Variants in TM6SF1 observed in about 807,000 individuals in gnomAD.
The protein encoded by TM6SF1 is transmembrane 6 superfamily member 1.
Under a neutral mutation model 47.1 loss-of-function variants are expected in TM6SF1, and 43 were observed. The ratio of observed to expected loss-of-function variants is 0.91; its 90% CI spans 0.72 to 1.18. The LOEUF (loss-of-function observed/expected upper bound fraction) is 1.18. Among genes scored for constraint, TM6SF1 ranks in the 50% most tolerant of loss-of-function variants. The probability of loss-of-function intolerance (pLI) is 0.00; values close to 1 mark genes in which losing one functional copy is unlikely to be tolerated. For synonymous variants in TM6SF1, 177 were observed against 166.3 expected (o/e 1.06, Z -0.49); for missense variants, 390 against 449.0 (o/e 0.87, Z 1.19).
rs532990392 is a variant in TM6SF1 at position 83,120,075 on chromosome 15, C to T, written c.398+394C>T. On this transcript the variant is annotated intron_variant, in intron 4 of 9. Transcript: ENST00000322019. ...TCAGGCACAGCTCTGCGGCTTGGCT[C>T]GCACTAAGGCTTGGCTACATGGCTT... The T allele has an allele frequency of 1.8e-4, 36 of 198,208 alleles. No homozygotes were observed. The East Asian group carries it at 4.3e-3, about 24-fold the overall frequency. 12.3% of individuals were successfully genotyped at this position (198,208 alleles called of 1,614,324 possible).
intron 9 of TM6SF1, chr15:83,132,043 A>G (rs1373661738): frequency 6.6e-6 from 1 of 152,248 alleles, no homozygotes; most frequent in East Asian, 1.9e-4. Context: ...GTTGCTGATG[A>G]GCACAATGAC....
At chr15:83,115,529 T>C in intron 2 of TM6SF1, 2 of 461,780 alleles carry the variant, frequency 4.3e-6, no homozygotes, top group South Asian at 3.8e-5. Context: ...GGCAGCCACT[T>C]GTAGGGGAGT....
At chr15:83,119,014 C>T (rs2034965953) in intron 3 of TM6SF1, among the ~76,000 whole-genome samples, 2 of 152,158 alleles carry the variant, frequency 1.3e-5, no homozygotes, top group South Asian at 2.1e-4. Context: ...GTAAAATGGA[C>T]TCAATCCTGT....
chr15:83,111,321 CCATT>C (rs1305617871), intron 1 of TM6SF1, among the ~76,000 whole-genome samples: 7 of 152,092 alleles, frequency 4.6e-5, no homozygotes, highest in Non-Finnish European at 1.0e-4. Context: ...ATCCATCCAT[CCATT>C]TATCCATCAT....
At chr15:83,117,200 G>A (rs998454287) in intron 3 of TM6SF1, among the ~76,000 whole-genome samples, 3 of 152,180 alleles carry the variant, frequency 2.0e-5, no homozygotes, top group Admixed American at 6.5e-5. Flanking sequence ...CGGAGAGAAG[G>A]GACAGCTTGG....
In TM6SF1 at chr15:83,124,704, G is replaced by C. The variant is rs2035573305; in HGVS notation, c.636G>C (p.Leu212=). 6.2e-7 allele frequency: 1 copy of C among 1,614,110 alleles called. No individual in the cohort carries two copies. Among genetic ancestry groups the C allele is most frequent in the Admixed American group, 1.7e-5 (1 of 60,010 alleles). ...VIQEAQAKDL[L]RRPFDLMLVV... is the part of the protein sequence containing the mutation. ...AAGAAGCCCAAGCGAAAGACCTGCT[G>C]AGAAGACCATTTGATTTAATGTTGG... Residue 212 remains leucine (L), a synonymous_variant, in exon 7 of 10, where the codon CTG becomes CTC. Transcript: ENST00000322019.
chr15:83,118,847 C>T (rs918151482), intron 3 of TM6SF1, among the ~76,000 whole-genome samples: 3 of 152,120 alleles, frequency 2.0e-5, no homozygotes, highest in African/African-American at 7.2e-5. Flanking sequence ...GAAATGTAAC[C>T]ACCTAGAAAA....
rs908900569 is a variant in TM6SF1 at position 83,130,094 on chromosome 15, T to A, written c.921+2617T>A. The A allele has an allele frequency of 7.9e-5, 12 of 152,330 alleles. No homozygotes were observed. The South Asian group carries it at 8.3e-4, about 11-fold the overall frequency. The allele number at this position is 152,330 out of a possible 1,614,324, so 9.4% of individuals were successfully genotyped here. A position where few individuals can be genotyped will look rare whatever the true frequency, so the allele number is the denominator to read the frequency against. On this transcript the variant is annotated intron_variant, in intron 9 of 9. Transcript: ENST00000322019. ...CTGGTACCAGTCCCTGATGCAGGAA[T>A]GCTAAGTGTCATCAGCCAGCAGGCT...
chr15:83,134,360 A>G (rs1327118820), intron 9 of TM6SF1: 2 of 152,204 alleles, frequency 1.3e-5, no homozygotes, highest in Non-Finnish European at 2.9e-5. Context: ...AGCTGAGATT[A>G]CAGGCGTCTG....
intron 6 of TM6SF1, among the ~76,000 whole-genome samples, chr15:83,124,409 GTCATT>G (rs1453916698): frequency 1.3e-5 from 2 of 152,094 alleles, no homozygotes; most frequent in African/African-American, 4.8e-5. Context: ...TCATTAAAAT[GTCATT>G]TCAAGAAAAA....
intron 6 of TM6SF1, 138 bp downstream of exon 6, chr15:83,123,016 T>A: frequency 1.1e-6 from 1 of 919,658 alleles, no homozygotes; most frequent in Non-Finnish European, 1.6e-6. Flanking sequence ...TTTGATTATG[T>A]AGCATTAGCT....
rs369060713 is a variant in TM6SF1 at position 83,115,415 on chromosome 15, G to C, written c.197-430G>C. 3.3e-4 allele frequency: 109 copies of C among 335,308 alleles called. 1 individual carries two copies. The East Asian group carries it at 5.3e-3, about 16-fold the overall frequency. The allele number at this position is 335,308 out of a possible 1,614,324, so 20.8% of individuals were successfully genotyped here. A position where few individuals can be genotyped will look rare whatever the true frequency, so the allele number is the denominator to read the frequency against. ...TTACAGACTTGAGCCACCATGCCCAGCCTGAATCATTGTCTTAAACTTAGT... is the reference window on the plus strand; with the variant it reads ...TTACAGACTTGAGCCACCATGCCCACCCTGAATCATTGTCTTAAACTTAGT... On this transcript the variant is annotated intron_variant, in intron 2 of 9. Coordinates refer to ENST00000322019, the MANE Select transcript of TM6SF1 (RefSeq NM_023003.5).
Position 83,122,886 on chromosome 15 carries a change from T to A in TM6SF1, c.603+8T>A, listed in dbSNP as rs370531241. 1 of 1,613,832 alleles carries A rather than the reference T, an allele frequency of 6.2e-7. No individual in the cohort carries two copies. The highest frequency in any genetic ancestry group is 1.3e-5 in the African/African-American group (1 of 75,038). On this transcript the variant is annotated splice_region_variant and intron_variant, in intron 6 of 9. Transcript: ENST00000322019. Reference sequence around the variant, plus strand: ...TATAATTACCCCTCAAAGGTGATTTTATTAAGCTTTGATGTACCCTGTTCT... The same window carrying A: ...TATAATTACCCCTCAAAGGTGATTTAATTAAGCTTTGATGTACCCTGTTCT...
intron 3 of TM6SF1, among the ~76,000 whole-genome samples, chr15:83,118,392 C>T (rs2034897748): frequency 6.6e-6 from 1 of 152,192 alleles, no homozygotes; most frequent in South Asian, 2.1e-4. Context: ...AGATGCTCAT[C>T]AAGCTACCAG....
chr15:83,111,622 T>C (rs2034190380), intron 1 of TM6SF1: 2 of 985,320 alleles, frequency 2.0e-6, no homozygotes, highest in Non-Finnish European at 2.4e-6. Flanking sequence ...GCTGTGGTGG[T>C]GTGGAGGGGT....
intron 2 of TM6SF1, chr15:83,113,202 T>C (rs2034354353): frequency 2.3e-6 from 1 of 441,862 alleles, no homozygotes; most frequent in Non-Finnish European, 4.2e-6. Context: ...GCTAGCTCCT[T>C]CCTGGGCTTC....
chr15:83,110,061 G>C (rs751355924), intron 1 of TM6SF1, among the ~76,000 whole-genome samples: 2 of 152,150 alleles, frequency 1.3e-5, no homozygotes, highest in Non-Finnish European at 2.9e-5. Context: ...CGTGTGCATC[G>C]TAGGCACTCA....
At chr15:83,136,441 G>A (rs1056052343) in intron 9 of TM6SF1, 40 bp from the exon 10 acceptor site, 13 of 1,535,382 alleles carry the variant, frequency 8.5e-6, no homozygotes, top group Admixed American at 2.1e-5. Context: ...AACTGAACAC[G>A]TTTCATGCTT....
chr15:83,107,932 C>G lies in TM6SF1; in HGVS notation c.92+160C>G. 1 of 1,270,566 alleles carries G rather than the reference C, an allele frequency of 7.9e-7. No individual in the cohort carries two copies. The highest frequency in any genetic ancestry group is 1.0e-6 in the Non-Finnish European group (1 of 1,000,060). 78.7% of individuals were successfully genotyped at this position (1,270,566 alleles called of 1,614,324 possible). On this transcript the variant is annotated intron_variant, in intron 1 of 9. Coordinates refer to ENST00000322019, the MANE Select transcript of TM6SF1 (RefSeq NM_023003.5). The surrounding 1 kb of genome is among the most constrained non-coding windows in gnomAD (Gnocchi z 5.6). ...CCCGCGCCTGGCCAGACTAGGGGGG[C>G]GCCCCAGGGGTCGCACGGGCCGGGT...
Sources: allele counts gnomAD v4.1 joint callset (sites outside exome capture counted in the v4.1 genomes callset), GRCh38; gene constraint gnomAD v4.1.1; non-coding constraint Gnocchi (gnomAD v3.1); transcripts MANE v1.5; gene names NCBI Gene and HGNC (gene_info 2026-07-23, HGNC 2026-07-21).